Variants in CADM2 observed in about 807,000 individuals in gnomAD.
The protein encoded by CADM2 is cell adhesion molecule 2.
A neutral mutation model predicts 49.8 loss-of-function variants in CADM2; 12 were observed. The observed-to-expected ratio is 0.24, with a 90% CI of 0.15 to 0.39. The LOEUF is 0.39. Among genes scored for constraint, CADM2 ranks in the 10% least tolerant of loss-of-function variants. The pLI, the probability that CADM2 is intolerant of heterozygous loss-of-function variation, is 1.00. For synonymous variants in CADM2, 214 were observed against 175.4 expected (o/e 1.22, Z -1.74); for missense variants, 378 against 492.3 (o/e 0.77, Z 2.20).
In CADM2 at chr3:85,585,647, T is replaced by G. The variant is rs1046945037; in HGVS notation, c.62-140875T>G. ...CCTTCTGAGGATAAGGGGGATCTAC[T>G]GTAACAATTTTAAACATTTATCAAA... On this transcript the variant is annotated intron_variant, in intron 1 of 9. Coordinates refer to ENST00000383699, the MANE Select transcript of CADM2 (RefSeq NM_001167675.2). 3.3e-5 allele frequency among the ~76,000 whole-genome samples: 5 copies of G among 152,202 alleles called. 1 individual carries two copies. The East Asian group carries it at 9.7e-4, about 29-fold the overall frequency.
chr3:85,260,115 T>A (rs540437482), intron 1 of CADM2, among the ~76,000 whole-genome samples: 1 of 152,106 alleles, frequency 6.6e-6, no homozygotes, highest in Non-Finnish European at 1.5e-5. Flanking sequence ...TATAATAATC[T>A]CTGCAATCAA....
At chr3:85,740,737 C>G (rs2068345974) in intron 2 of CADM2, among the ~76,000 whole-genome samples, 1 of 152,180 alleles carries the variant, frequency 6.6e-6, no homozygotes, top group Non-Finnish European at 1.5e-5. Context: ...ATTAATTGCT[C>G]TTTTTCTGCA....
intron 1 of CADM2, among the ~76,000 whole-genome samples, chr3:85,403,068 A>C (rs1162668115): frequency 6.6e-6 from 1 of 152,108 alleles, no homozygotes; most frequent in Non-Finnish European, 1.5e-5. Context: ...TGTATTTGCT[A>C]GGTATTAATA....
chr3:86,031,720 ATG>A (rs1383425632), intron 8 of CADM2, among the ~76,000 whole-genome samples: 6 of 151,850 alleles, frequency 4.0e-5, no homozygotes, highest in Admixed American at 3.9e-4. Context: ...TGGGAATTAC[ATG>A]AAGAAACTAG....
At chr3:85,117,251 A>AT (rs11318447) in intron 1 of CADM2, among the ~76,000 whole-genome samples, 23 of 151,002 alleles carry the variant, frequency 1.5e-4, no homozygotes, top group Non-Finnish European at 2.4e-4. Flanking sequence ...AAATTTTATG[A>AT]TTTTTTTTTT....
chr3:85,224,034 T>G (rs998866414), intron 1 of CADM2, among the ~76,000 whole-genome samples: 14 of 152,308 alleles, frequency 9.2e-5, no homozygotes, highest in Admixed American at 2.0e-4. Flanking sequence ...TCCAAGTCTT[T>G]GCTATTGTGA....
chr3:85,028,039 G>A (rs2034812786), intron 1 of CADM2, among the ~76,000 whole-genome samples: 1 of 152,004 alleles, frequency 6.6e-6, no homozygotes, highest in Non-Finnish European at 1.5e-5. Context: ...AAGGGGCAGA[G>A]ATAGAAAAAA....
At chr3:85,466,961 A>G (rs151114546) in intron 1 of CADM2, among the ~76,000 whole-genome samples, 2 of 152,300 alleles carry the variant, frequency 1.3e-5, no homozygotes, top group Non-Finnish European at 2.9e-5. Context: ...AGCCAAGACT[A>G]TGAATAACTA....
chr3:85,084,906 T>C (rs914118789), intron 1 of CADM2, among the ~76,000 whole-genome samples: 2 of 152,098 alleles, frequency 1.3e-5, no homozygotes, highest in Non-Finnish European at 2.9e-5. Context: ...CTTGAAATTA[T>C]TTTCAGCTTT....
chr3:85,346,879 C>T (rs34208275), intron 1 of CADM2, among the ~76,000 whole-genome samples: 4 of 151,888 alleles, frequency 2.6e-5, no homozygotes, highest in African/African-American at 7.3e-5. Context: ...GTTTATACTG[C>T]GTATGCATTA....
chr3:85,738,458 G>T (rs998685356), intron 2 of CADM2, among the ~76,000 whole-genome samples: 1 of 152,104 alleles, frequency 6.6e-6, no homozygotes, highest in African/African-American at 2.4e-5. Context: ...CAAGCCTTTT[G>T]GGAAGTGTTA....
At chr3:85,752,722 A>G (rs2068918383) in intron 2 of CADM2, among the ~76,000 whole-genome samples, 1 of 151,942 alleles carries the variant, frequency 6.6e-6, no homozygotes, top group African/African-American at 2.4e-5. Flanking sequence ...AGATTGCCCC[A>G]CTCGTGGAAA....
chr3:85,996,596 A>G (rs1033110182), intron 8 of CADM2, among the ~76,000 whole-genome samples: 3 of 152,102 alleles, frequency 2.0e-5, no homozygotes, highest in African/African-American at 7.2e-5. Flanking sequence ...GCACCTATAA[A>G]TGTGCAGAGG....
chr3:85,933,478 G>A (rs1450638185), intron 6 of CADM2, among the ~76,000 whole-genome samples: 2 of 152,070 alleles, frequency 1.3e-5, no homozygotes, highest in African/African-American at 2.4e-5. Flanking sequence ...CACATTCCCC[G>A]CTCAATAAAA....
chr3:85,385,784 A>G (rs1234905543), intron 1 of CADM2: 2 of 135,912 alleles, frequency 1.5e-5, no homozygotes, highest in Non-Finnish European at 3.1e-5. Context: ...TAAAACAGCA[A>G]AGTGTTTCTC....
chr3:86,032,082 T>C (rs999291616), intron 8 of CADM2, among the ~76,000 whole-genome samples: 15 of 151,912 alleles, frequency 9.9e-5, no homozygotes, highest in African/African-American at 3.6e-4. Flanking sequence ...TGATTTTTCC[T>C]TTACTTTTTA....
intron 1 of CADM2, among the ~76,000 whole-genome samples, chr3:85,291,568 C>A (rs1032318272): frequency 6.8e-6 from 1 of 147,152 alleles, no homozygotes; most frequent in Non-Finnish European, 1.5e-5. Flanking sequence ...AAGGGAAGCC[C>A]ATCAGACTAA....
chr3:85,195,023 G>A (rs1288857132), intron 1 of CADM2, among the ~76,000 whole-genome samples: 2 of 151,892 alleles, frequency 1.3e-5, no homozygotes, highest in African/African-American at 4.8e-5. Flanking sequence ...TTTTTAACCG[G>A]TCCAATTAGT....
chr3:85,605,552 G>T (rs1223807359), intron 1 of CADM2, among the ~76,000 whole-genome samples: 1 of 152,050 alleles, frequency 6.6e-6, no homozygotes, highest in Admixed American at 6.6e-5. Context: ...GTGAAAATTA[G>T]AATCCAGACC....
Sources: allele counts gnomAD v4.1 joint callset (sites outside exome capture counted in the v4.1 genomes callset), GRCh38; gene constraint gnomAD v4.1.1; transcripts MANE v1.5; gene names NCBI Gene and HGNC (gene_info 2026-07-23, HGNC 2026-07-21).